The following ADAM7 variants were observed in gnomAD, a reference collection of about 807,000 sequenced individuals.
The protein encoded by ADAM7 is disintegrin and metalloproteinase domain-containing protein 7.
A neutral mutation model predicts 102.9 loss-of-function variants in ADAM7; 97 were observed. The observed-to-expected ratio is 0.94, with a 90% CI of 0.80 to 1.12. The LOEUF (loss-of-function observed/expected upper bound fraction) is 1.12, where lower values mean the gene tolerates loss of function less well. Among genes scored for constraint, ADAM7 ranks in the 50% most tolerant of loss-of-function variants. The probability of loss-of-function intolerance (pLI) is 0.00; values close to 1 mark genes in which losing one functional copy is unlikely to be tolerated. For missense variants in ADAM7, 991 were observed against 908.7 expected (o/e 1.09, Z -1.16); for synonymous variants, 334 against 304.4 (o/e 1.10, Z -1.01).
chr8:24,504,862 T>G (rs920200372), intron 20 of ADAM7, among the ~76,000 whole-genome samples: 19 of 152,148 alleles, frequency 1.2e-4, no homozygotes, highest in Non-Finnish European at 2.1e-4. Flanking sequence ...TTATATATGT[T>G]AGTTATCATT....
chr8:24,462,278 A>G (rs924101544), intron 3 of ADAM7, among the ~76,000 whole-genome samples: 2 of 152,188 alleles, frequency 1.3e-5, no homozygotes, highest in African/African-American at 4.8e-5. Flanking sequence ...TGAATTTGAG[A>G]CTGAGTTTGT....
At chr8:24,501,337 C>G (rs1388819) in intron 19 of ADAM7, 140 bp from the exon 20 acceptor site, 176,221 of 574,952 alleles carry the variant, frequency 0.31, 28,441 homozygotes, top group South Asian at 0.4. Context: ...TATAAAAAAG[C>G]ATTATTTCAA....
chr8:24,503,891 GGGGA>G (rs1820852118), intron 20 of ADAM7, among the ~76,000 whole-genome samples: 2 of 151,988 alleles, frequency 1.3e-5, no homozygotes, highest in African/African-American at 4.8e-5. Context: ...TGGGGAACAA[GGGGA>G]GGGATAGCAT....
chr8:24,464,900 C>A (rs952984628), intron 4 of ADAM7, among the ~76,000 whole-genome samples: 4 of 137,044 alleles, frequency 2.9e-5, no homozygotes, highest in Non-Finnish European at 6.4e-5. Context: ...GATTCTCCTG[C>A]CTCAGCCATC....
intron 19 of ADAM7, among the ~76,000 whole-genome samples, chr8:24,501,147 G>C (rs944918800): frequency 2.0e-5 from 3 of 152,212 alleles, no homozygotes; most frequent in Admixed American, 2.0e-4. Flanking sequence ...AAGACATTGT[G>C]ATTTAATTGT....
chr8:24,493,816 AT>A (rs1820460448), intron 16 of ADAM7, among the ~76,000 whole-genome samples: 1 of 152,214 alleles, frequency 6.6e-6, no homozygotes. Context: ...GGGAGAAGAC[AT>A]TTTAGCAAAA....
In ADAM7 at chr8:24,509,467, C is replaced by A; in HGVS notation, c.*921C>A. The A allele has an allele frequency of 1.0e-6, 1 of 984,634 alleles. No individual in the cohort carries two copies. The highest frequency in any genetic ancestry group is 1.2e-6 in the Non-Finnish European group (1 of 829,260). 61.0% of individuals were successfully genotyped at this position (984,634 alleles called of 1,614,324 possible). A position where few individuals can be genotyped will look rare whatever the true frequency, so the allele number is the denominator to read the frequency against. ...TCTTGTGAACTGTTAAAGCTACATG[C>A]ATTATTTTTTTTCCATTTACTGAAA... On this transcript the variant is annotated 3_prime_UTR_variant, in exon 22 of 22. Coordinates refer to ENST00000175238, the MANE Select transcript of ADAM7 (RefSeq NM_003817.4).
chr8:24,509,546 G>T lies in ADAM7; in HGVS notation c.*1000G>T, dbSNP rs953097245. 1 of 984,360 alleles carries T rather than the reference G, an allele frequency of 1.0e-6. No homozygotes were observed. The highest frequency in any genetic ancestry group is 1.7e-5 in the African/African-American group (1 of 57,154). 61.0% of individuals were successfully genotyped at this position (984,360 alleles called of 1,614,324 possible). A position where few individuals can be genotyped will look rare whatever the true frequency, so the allele number is the denominator to read the frequency against. ...TTCTGACTCGATGAAATAAATAAAG[G>T]CTACAAAAGAAGGAAGAAAGGCTGT... On this transcript the variant is annotated 3_prime_UTR_variant, in exon 22 of 22. Coordinates refer to ENST00000175238, the MANE Select transcript of ADAM7 (RefSeq NM_003817.4).
intron 21 of ADAM7, 131 bp downstream of exon 21, chr8:24,507,666 G>A: frequency 1.5e-6 from 1 of 666,880 alleles, no homozygotes; most frequent in Admixed American, 3.1e-5. Flanking sequence ...AGGAAGGTTA[G>A]AATTTTTTTT....
intron 3 of ADAM7, among the ~76,000 whole-genome samples, chr8:24,451,000 C>T (rs1406192750): frequency 2.0e-5 from 3 of 151,764 alleles, no homozygotes; most frequent in Non-Finnish European, 4.4e-5. Flanking sequence ...GGGATGAAGC[C>T]CACTTGATCA....
At position 24,500,050 on chromosome 8, in the gene ADAM7, C is replaced by G. The variant is rs1050542342; in HGVS notation, c.1924-128C>G. 17 of 615,352 alleles carry G rather than the reference C, an allele frequency of 2.8e-5. No homozygotes were observed. The Admixed American group carries it at 5.8e-4, about 21-fold the overall frequency. The allele number at this position is 615,352 out of a possible 1,614,324, so 38.1% of individuals were successfully genotyped here. A position where few individuals can be genotyped will look rare whatever the true frequency, so the allele number is the denominator to read the frequency against. Reference sequence around the variant, plus strand: ...TGATTTTGTTACACAGTTTAATAAACGAATAAAAAGTTCGCGCTTGTGCTT... The same window carrying G: ...TGATTTTGTTACACAGTTTAATAAAGGAATAAAAAGTTCGCGCTTGTGCTT... On this transcript the variant is annotated intron_variant, in intron 17 of 21. Coordinates refer to ENST00000175238, the MANE Select transcript of ADAM7 (RefSeq NM_003817.4).
intron 1 of ADAM7, among the ~76,000 whole-genome samples, chr8:24,441,770 T>C (rs1468126616): frequency 6.6e-6 from 1 of 152,220 alleles, no homozygotes; most frequent in African/African-American, 2.4e-5. Context: ...GGTAAGACTT[T>C]AAATGCAAAC....
intron 10 of ADAM7, 100 bp downstream of exon 10, chr8:24,485,461 T>C: frequency 1.0e-6 from 1 of 962,046 alleles, no homozygotes; most frequent in Non-Finnish European, 1.6e-6. Context: ...TTTTGTCATA[T>C]ATACTCACTA....
chr8:24,441,105 C>A lies in ADAM7; in HGVS notation c.-4C>A, dbSNP rs201002717. The A allele has an allele frequency of 1.2e-6, 2 of 1,613,406 alleles. No homozygotes were observed. The highest frequency in any genetic ancestry group is 2.7e-5 in the African/African-American group (2 of 75,028). On this transcript the variant is annotated 5_prime_UTR_variant, in exon 1 of 22. Coordinates refer to ENST00000175238, the MANE Select transcript of ADAM7 (RefSeq NM_003817.4). Reference sequence around the variant, plus strand: ...TCTGCTCTCCTCTACCAGAATCACTCAGAATGCTTCCCGGGTGTATATTCT... The same window carrying A: ...TCTGCTCTCCTCTACCAGAATCACTAAGAATGCTTCCCGGGTGTATATTCT...
intron 3 of ADAM7, among the ~76,000 whole-genome samples, chr8:24,459,408 C>A (rs1481277544): frequency 6.6e-6 from 1 of 151,864 alleles, no homozygotes; most frequent in African/African-American, 2.4e-5. Context: ...TATGATCAAT[C>A]TAAAAGGGGC....
chr8:24,495,735 T>G (rs1820530776), intron 16 of ADAM7, among the ~76,000 whole-genome samples: 1 of 152,168 alleles, frequency 6.6e-6, no homozygotes, highest in South Asian at 2.1e-4. Flanking sequence ...AGAGATGATT[T>G]AGGGTATCTG....
At chr8:24,469,773 A>G (rs1293400085) in intron 7 of ADAM7, among the ~76,000 whole-genome samples, 1 of 152,232 alleles carries the variant, frequency 6.6e-6, no homozygotes, top group Non-Finnish European at 1.5e-5. Flanking sequence ...AACAACAGGC[A>G]TACTTGAAAA....
chr8:24,446,115 AAC>A (rs748717220), intron 2 of ADAM7, among the ~76,000 whole-genome samples: 2 of 152,224 alleles, frequency 1.3e-5, no homozygotes, highest in Non-Finnish European at 2.9e-5. Flanking sequence ...TAAATGAATG[AAC>A]AGTCATCTCA....
chr8:24,448,192 T>G (rs776684003), intron 3 of ADAM7, among the ~76,000 whole-genome samples: 3 of 152,214 alleles, frequency 2.0e-5, no homozygotes, highest in African/African-American at 7.2e-5. Flanking sequence ...TTGTTTAATT[T>G]ACACTTTGCT....
Sources: allele counts gnomAD v4.1 joint callset (sites outside exome capture counted in the v4.1 genomes callset), GRCh38; gene constraint gnomAD v4.1.1; transcripts MANE v1.5; gene names NCBI Gene and HGNC (gene_info 2026-07-23, HGNC 2026-07-21).